Variants in ST6GALNAC5 observed in about 807,000 individuals in gnomAD.
ST6GALNAC5 encodes ST6 N-acetylgalactosaminide alpha-2,6-sialyltransferase 5.
ST6GALNAC5 carries 27 observed loss-of-function variants against 33.6 expected under a neutral mutation model. The ratio of observed to expected loss-of-function variants is 0.80; its 90% CI spans 0.59 to 1.11. The LOEUF (loss-of-function observed/expected upper bound fraction) is 1.11, where lower values mean the gene tolerates loss of function less well. ST6GALNAC5 is among the 50% of genes least tolerant of loss of function. The pLI is 0.00. For synonymous variants in ST6GALNAC5, 194 were observed against 171.2 expected, an observed-to-expected ratio of 1.13 and a Z score of -1.04; for missense variants, 428 against 454.0, an observed-to-expected ratio of 0.94 and a Z score of 0.52.
intron 2 of ST6GALNAC5, among the ~76,000 whole-genome samples, chr1:76,960,286 G>A (rs539534216): frequency 2.0e-5 from 3 of 152,078 alleles, no homozygotes; most frequent in Admixed American, 6.6e-5. Flanking sequence ...GATGCCCCCC[G>A]AGCCATAAAA....
chr1:76,996,734 G>A (rs999719645), intron 2 of ST6GALNAC5, among the ~76,000 whole-genome samples: 1 of 152,174 alleles, frequency 6.6e-6, no homozygotes, highest in Admixed American at 6.6e-5. Context: ...CATTGTCAGG[G>A]AGTCGCTCTG....
intron 2 of ST6GALNAC5, among the ~76,000 whole-genome samples, chr1:77,034,138 G>T (rs546356628): frequency 6.6e-6 from 1 of 152,232 alleles, no homozygotes; most frequent in Non-Finnish European, 1.5e-5. Context: ...CAGTTCTGGA[G>T]GTTAAAAGTA....
At chr1:77,037,732 G>A (rs1198127280) in intron 2 of ST6GALNAC5, among the ~76,000 whole-genome samples, 7 of 152,058 alleles carry the variant, frequency 4.6e-5, no homozygotes, top group Non-Finnish European at 8.8e-5. Flanking sequence ...AATAAAAGAA[G>A]TGAACTTAAG....
At chr1:77,040,979 C>T (rs1265492089) in intron 2 of ST6GALNAC5, among the ~76,000 whole-genome samples, 2 of 152,218 alleles carry the variant, frequency 1.3e-5, no homozygotes, top group African/African-American at 4.8e-5. Flanking sequence ...CCATGCTCCA[C>T]CATCAACCCT....
chr1:76,878,208 A>G (rs1359184143), intron 2 of ST6GALNAC5, among the ~76,000 whole-genome samples: 1 of 152,174 alleles, frequency 6.6e-6, no homozygotes, highest in Non-Finnish European at 1.5e-5. Context: ...AGGTAGAGCC[A>G]TCTCTAATGG....
At chr1:76,975,083 A>G (rs1648952616) in intron 2 of ST6GALNAC5, among the ~76,000 whole-genome samples, 1 of 151,924 alleles carries the variant, frequency 6.6e-6, no homozygotes, top group African/African-American at 2.4e-5. Flanking sequence ...CACCGTGCCC[A>G]GGCTTTCTCT....
chr1:76,902,271 G>A (rs541199584), intron 2 of ST6GALNAC5, among the ~76,000 whole-genome samples: 30 of 152,138 alleles, frequency 2.0e-4, no homozygotes, highest in African/African-American at 6.7e-4. Context: ...GTTTACAATA[G>A]CATCTAAAAG....
At chr1:76,922,709 G>A (rs1251506481) in intron 2 of ST6GALNAC5, among the ~76,000 whole-genome samples, 1 of 152,014 alleles carries the variant, frequency 6.6e-6, no homozygotes, top group African/African-American at 2.4e-5. Context: ...TTTGACAATG[G>A]TGCAAAAGCT....
chr1:76,912,457 T>C (rs951780386), intron 2 of ST6GALNAC5, among the ~76,000 whole-genome samples: 44 of 152,236 alleles, frequency 2.9e-4, no homozygotes, highest in African/African-American at 1.0e-3. Context: ...GGTGCAGAGC[T>C]GAGTTCAATT....
At chr1:77,013,712 T>C (rs1490003551) in intron 2 of ST6GALNAC5, among the ~76,000 whole-genome samples, 1 of 152,210 alleles carries the variant, frequency 6.6e-6, no homozygotes, top group African/African-American at 2.4e-5. Flanking sequence ...TTTATTTGCA[T>C]TGACACGGGG....
In ST6GALNAC5 at chr1:77,067,446, C is replaced by A. The variant is rs141792405; in HGVS notation, c.*4240C>A. 2.0e-4 allele frequency among the ~76,000 whole-genome samples: 30 copies of A among 152,282 alleles called. 1 individual carries two copies. In the East Asian group the frequency reaches 5.2e-3, roughly 26 times the overall value. Reference sequence around the variant, plus strand: ...AATTAGATTGTAAGCTCCTTGAGGGCAGAGACTCTTTCTCCTTTGTCTCTG... The same window carrying A: ...AATTAGATTGTAAGCTCCTTGAGGGAAGAGACTCTTTCTCCTTTGTCTCTG... On this transcript the variant is annotated 3_prime_UTR_variant, in exon 5 of 5. Transcript: ENST00000477717.
chr1:77,009,167 G>C (rs1650536673), intron 2 of ST6GALNAC5, among the ~76,000 whole-genome samples: 1 of 152,170 alleles, frequency 6.6e-6, no homozygotes, highest in Non-Finnish European at 1.5e-5. Flanking sequence ...AGAGGTGTTA[G>C]AGAGCCCCAG....
chr1:76,958,901 G>C (rs1438866359), intron 2 of ST6GALNAC5, among the ~76,000 whole-genome samples: 5 of 152,066 alleles, frequency 3.3e-5, no homozygotes, highest in African/African-American at 9.7e-5. Context: ...GATCCACCAG[G>C]TCATTGACCT....
chr1:77,031,133 TC>T (rs998963820), intron 2 of ST6GALNAC5, among the ~76,000 whole-genome samples: 4 of 152,200 alleles, frequency 2.6e-5, no homozygotes. Context: ...GCAAAGTCCC[TC>T]CCCAGTGGGT....
At chr1:76,959,818 T>C (rs1426768479) in intron 2 of ST6GALNAC5, among the ~76,000 whole-genome samples, 1 of 152,220 alleles carries the variant, frequency 6.6e-6, no homozygotes, top group African/African-American at 2.4e-5. Flanking sequence ...TACTTCCTTG[T>C]CTCAGAGGAC....
chr1:77,015,136 C>T (rs1650781049), intron 2 of ST6GALNAC5, among the ~76,000 whole-genome samples: 1 of 151,846 alleles, frequency 6.6e-6, no homozygotes, highest in Non-Finnish European at 1.5e-5. Flanking sequence ...GAGGCCAAGA[C>T]ATCCCATGAT....
chr1:76,918,543 C>T (rs191117938), intron 2 of ST6GALNAC5, among the ~76,000 whole-genome samples: 5,428 of 140,230 alleles, frequency 0.039, 344 homozygotes, highest in African/African-American at 0.13. Context: ...GCTTGAACCC[C>T]GGGGGCAGAG....
intron 2 of ST6GALNAC5, among the ~76,000 whole-genome samples, chr1:76,975,745 C>A (rs138682673): frequency 6.6e-6 from 1 of 152,062 alleles, no homozygotes; most frequent in African/African-American, 2.4e-5. Flanking sequence ...TTTAGGAATG[C>A]GTATTTTAAG....
intron 2 of ST6GALNAC5, among the ~76,000 whole-genome samples, chr1:77,006,751 C>G (rs746310308): frequency 8.5e-5 from 13 of 152,176 alleles, no homozygotes; most frequent in Non-Finnish European, 1.9e-4. Context: ...CAACAACAAC[C>G]ATTTATTTAG....
Sources: gnomAD v4.1 joint callset for allele counts (sites outside exome capture counted in the v4.1 genomes callset) on GRCh38, gnomAD v4.1.1 for gene constraint, MANE v1.5 for transcripts, NCBI Gene and HGNC (gene_info 2026-07-23, HGNC 2026-07-21) for gene names.